TUSC3: variants seen among roughly 807,000 people sequenced by gnomAD.
TUSC3 encodes dolichyl-diphosphooligosaccharide--protein glycosyltransferase subunit TUSC3.
A neutral mutation model predicts 44.8 loss-of-function variants in TUSC3; 45 were observed. That is an observed-to-expected ratio of 1.00 (90% confidence interval 0.79 to 1.29). TUSC3 has a LOEUF of 1.29. Among genes scored for constraint, TUSC3 ranks in the 50% most tolerant of loss-of-function variants. The pLI is 0.00. For missense variants in TUSC3, 519 were observed against 437.9 expected (o/e 1.19, Z -1.65); for synonymous variants, 212 against 152.9 (o/e 1.39, Z -2.85).
chr8:15,717,839 G>C (rs1810118109), intron 6 of TUSC3, among the ~76,000 whole-genome samples: 1 of 151,970 alleles, frequency 6.6e-6, no homozygotes, highest in Non-Finnish European at 1.5e-5. Flanking sequence ...TACAAAGGAG[G>C]TTAACTCAAG....
intron 2 of TUSC3, among the ~76,000 whole-genome samples, chr8:15,484,374 C>T (rs944811766): frequency 2.6e-5 from 4 of 152,302 alleles, no homozygotes; most frequent in Admixed American, 6.5e-5. Flanking sequence ...TTTCTAGTTG[C>T]TTCATTTGTG....
rs2129226340 is a variant in TUSC3 at position 15,766,087 on chromosome 8, A to C, written c.*1931A>C. 6.9e-6 allele frequency: 1 copy of C among 144,110 alleles called. No individual in the cohort carries two copies. The highest frequency in any genetic ancestry group is 2.1e-4 in the South Asian group (1 of 4,720). 8.9% of individuals were successfully genotyped at this position (144,110 alleles called of 1,614,324 possible). On this transcript the variant is annotated 3_prime_UTR_variant, in exon 11 of 11. Coordinates refer to ENST00000503731, the MANE Select transcript of TUSC3 (RefSeq NM_006765.4). ...GAGTACTTTACTATACCATATTAGTAAAGGTTTTCTAGCTCTTATTTTCTA... is the reference window on the plus strand; with the variant it reads ...GAGTACTTTACTATACCATATTAGTCAAGGTTTTCTAGCTCTTATTTTCTA...
At chr8:15,775,179 T>C in the TUSC3 span, among the ~76,000 whole-genome samples, 1 of 152,230 alleles carries the variant, frequency 6.6e-6, no homozygotes, top group Non-Finnish European at 1.5e-5. Flanking sequence ...GAGTGAACTT[T>C]GAAAACAAGT....
intron 3 of TUSC3, among the ~76,000 whole-genome samples, chr8:15,658,393 C>T (rs1050749290): frequency 6.6e-6 from 1 of 152,016 alleles, no homozygotes; most frequent in Non-Finnish European, 1.5e-5. Context: ...CTGTTTTGGT[C>T]TTGACTGTAC....
At position 15,463,752 on chromosome 8, in the gene TUSC3, C is replaced by A. The variant is rs1341114038; in HGVS notation, n.92-19634C>A. Among the ~76,000 whole-genome samples, 4 of 152,174 alleles carry A rather than the reference C, an allele frequency of 2.6e-5. No homozygotes were observed. In the East Asian group the frequency reaches 7.7e-4, roughly 29 times the overall value. ...AAACTCATACAGCTTGGCTTACCTTCTGTCATCAGTTCGTCGCTTCTCTAC... is the reference window on the plus strand; with the variant it reads ...AAACTCATACAGCTTGGCTTACCTTATGTCATCAGTTCGTCGCTTCTCTAC... On this transcript the variant is annotated intron_variant and non_coding_transcript_variant, in intron 1 of 5. Transcript: ENST00000503191.
At chr8:15,669,388 G>A (rs1438551481) in intron 5 of TUSC3, among the ~76,000 whole-genome samples, 1 of 151,772 alleles carries the variant, frequency 6.6e-6, no homozygotes, top group African/African-American at 2.4e-5. Flanking sequence ...TGCCTCTATT[G>A]TCTGAAGCAA....
intron 1 of TUSC3, among the ~76,000 whole-genome samples, chr8:15,435,457 G>A (rs1417769691): frequency 6.6e-6 from 1 of 152,154 alleles, no homozygotes. Flanking sequence ...GTACTCAAAT[G>A]TCTACAGAAA....
intron 6 of TUSC3, chr8:15,689,230 A>G (rs140452132): frequency 4.1e-4 from 142 of 349,836 alleles, no homozygotes; most frequent in African/African-American, 2.7e-3. Flanking sequence ...TTGCATCTGC[A>G]TATATTTTCA....
chr8:15,584,783 T>C (rs549690397), intron 1 of TUSC3, among the ~76,000 whole-genome samples: 154 of 152,184 alleles, frequency 1.0e-3, no homozygotes, highest in African/African-American at 3.5e-3. Context: ...TCTGAAAGTA[T>C]AGTGAGTTTA....
intron 6 of TUSC3, among the ~76,000 whole-genome samples, chr8:15,691,455 CATAG>C (rs1475507876): frequency 6.6e-6 from 1 of 152,160 alleles, no homozygotes; most frequent in South Asian, 2.1e-4. Flanking sequence ...TGTCTGCAAA[CATAG>C]ATAGTTTGAC....
intron 2 of TUSC3, among the ~76,000 whole-genome samples, chr8:15,649,313 G>A (rs533331213): frequency 4.6e-5 from 7 of 152,018 alleles, no homozygotes; most frequent in Admixed American, 2.6e-4. Flanking sequence ...AGCCGGGCGC[G>A]GTGGCTCACG....
downstream of TUSC3, among the ~76,000 whole-genome samples, chr8:15,767,480 T>TG (rs769780435): frequency 2.9e-4 from 43 of 150,150 alleles, no homozygotes; most frequent in Non-Finnish European, 5.6e-4. Flanking sequence ...GAAATTTGTT[T>TG]TAAAAAAAAA....
chr8:15,718,967 T>G (rs539786460), intron 6 of TUSC3, among the ~76,000 whole-genome samples: 3 of 152,060 alleles, frequency 2.0e-5, no homozygotes, highest in African/African-American at 7.2e-5. Context: ...TAAAATATAT[T>G]CAGGATCAGA....
At position 15,447,521 on chromosome 8, in the gene TUSC3, C is replaced by G. The variant is rs7821272; in HGVS notation, n.91+30216C>G. 7.7e-3 allele frequency among the ~76,000 whole-genome samples: 1,167 copies of G among 152,056 alleles called. 19 individuals carry two copies. Among genetic ancestry groups the G allele is most frequent in the African/African-American group, 0.026 (1,097 of 41,496 alleles). ...TCAAATATTTCTAAATGGAAACACT[C>G]AAAACCGAAAACGTTGGCTATGAAG... On this transcript the variant is annotated intron_variant and non_coding_transcript_variant, in intron 1 of 5. Coordinates refer to the TUSC3 transcript ENST00000503191.
chr8:15,687,283 A>T, intron 6 of TUSC3, among the ~76,000 whole-genome samples: 1 of 152,122 alleles, frequency 6.6e-6, no homozygotes, highest in East Asian at 1.9e-4. Context: ...TAGTGGGGAT[A>T]CATAATATGA....
At chr8:15,474,998 T>TA (rs929790847) in intron 1 of TUSC3, among the ~76,000 whole-genome samples, 7 of 152,188 alleles carry the variant, frequency 4.6e-5, no homozygotes, top group African/African-American at 1.7e-4. Context: ...ATTTCCTTTT[T>TA]TTTGATATTA....
intron 1 of TUSC3, among the ~76,000 whole-genome samples, chr8:15,568,283 A>G (rs4518671): frequency 0.15 from 23,529 of 152,148 alleles, 2,185 homozygotes; most frequent in Non-Finnish European, 0.21. Context: ...TTTAAGCACT[A>G]GCTCTGTGCC....
At chr8:15,505,737 T>C (rs1418714815) in intron 2 of TUSC3, among the ~76,000 whole-genome samples, 1 of 152,226 alleles carries the variant, frequency 6.6e-6, no homozygotes, top group African/African-American at 2.4e-5. Flanking sequence ...TTTATAATTG[T>C]AAAGTTAAAA....
At chr8:15,666,634 C>A (rs1195424803) in intron 5 of TUSC3, among the ~76,000 whole-genome samples, 1 of 151,230 alleles carries the variant, frequency 6.6e-6, no homozygotes, top group Non-Finnish European at 1.5e-5. Context: ...TTTTTTCATC[C>A]ACATTTATTT....
Sources: allele counts gnomAD v4.1 joint callset (sites outside exome capture counted in the v4.1 genomes callset), GRCh38; gene constraint gnomAD v4.1.1; transcripts MANE v1.5; gene names NCBI Gene and HGNC (gene_info 2026-07-23, HGNC 2026-07-21).